FANCC: variants seen among roughly 807,000 people sequenced by gnomAD.
FANCC encodes the protein FA complementation group C, also known as Fanconi anemia group C protein.
Under a neutral mutation model 71.3 loss-of-function variants are expected in FANCC, and 55 were observed. The ratio of observed to expected loss-of-function variants is 0.77; its 90% CI spans 0.62 to 0.97. FANCC has a LOEUF of 0.97. FANCC is among the 50% of genes least tolerant of loss of function. FANCC has a pLI of 0.00. For synonymous variants in FANCC, 275 were observed against 244.9 expected (o/e 1.12, Z -1.15); for missense variants, 678 against 670.9 (o/e 1.01, Z -0.12).
At chr9:95,137,870 G>A (rs1047636978) in intron 7 of FANCC, among the ~76,000 whole-genome samples, 2 of 152,212 alleles carry the variant, frequency 1.3e-5, no homozygotes, top group African/African-American at 2.4e-5. Flanking sequence ...TGAGTGTGCC[G>A]GGCAGGCCCT....
intron 4 of FANCC, among the ~76,000 whole-genome samples, chr9:95,200,991 G>A (rs762606745): frequency 6.6e-6 from 1 of 152,156 alleles, no homozygotes; most frequent in Non-Finnish European, 1.5e-5. Context: ...AGATTATGCT[G>A]AGCTGTAAAC....
At chr9:95,114,548 G>A in intron 12 of FANCC, 81 bp downstream of exon 12, 1 of 1,250,902 alleles carries the variant, frequency 8.0e-7, no homozygotes, top group South Asian at 1.2e-5. Flanking sequence ...GCCTTCCTCT[G>A]TCAGCCCTGC....
intron 4 of FANCC, among the ~76,000 whole-genome samples, chr9:95,199,373 T>A (rs1274176643): frequency 1.3e-5 from 2 of 151,164 alleles, no homozygotes; most frequent in Admixed American, 1.3e-4. Context: ...CTTGGGCCCC[T>A]CCTACTCACC....
rs1023851706 is a variant in FANCC at position 95,126,804 on chromosome 9, T to C, written c.844-223A>G. ...GTTACAGGCAGCTTATTCCTCTGTA[T>C]ACTCCTGTATGTCCCACATTTTCTA... is the stretch of plus-strand genomic sequence containing the variant. On this transcript the variant is annotated intron_variant, in intron 8 of 14. Transcript: ENST00000289081. 4 of 533,608 alleles carry C rather than the reference T, an allele frequency of 7.5e-6. No individual in the cohort carries two copies. The Admixed American group carries it at 1.2e-4, about 17-fold the overall frequency. 33.1% of individuals were successfully genotyped at this position (533,608 alleles called of 1,614,324 possible). A position where few individuals can be genotyped will look rare whatever the true frequency, so the allele number is the denominator to read the frequency against.
At chr9:95,135,602 A>G in intron 7 of FANCC, 100 bp from the exon 8 acceptor site, 1 of 959,576 alleles carries the variant, frequency 1.0e-6, no homozygotes, top group Middle Eastern at 2.5e-4. Flanking sequence ...AATTTGTGAG[A>G]CTTCTCATCA....
intron 2 of FANCC, among the ~76,000 whole-genome samples, chr9:95,248,548 A>G (rs1252838541): frequency 6.6e-6 from 1 of 152,210 alleles, no homozygotes; most frequent in Non-Finnish European, 1.5e-5. Context: ...TTTGCTTTTC[A>G]TTTTGAAATT....
At chr9:95,276,610 A>G (rs1357093688) in intron 1 of FANCC, among the ~76,000 whole-genome samples, 2 of 152,222 alleles carry the variant, frequency 1.3e-5, no homozygotes, top group Non-Finnish European at 2.9e-5. Flanking sequence ...AGGCTTCACC[A>G]CATTGATTTG....
chr9:95,158,835 G>A (rs114627036), intron 6 of FANCC, among the ~76,000 whole-genome samples: 1 of 152,144 alleles, frequency 6.6e-6, no homozygotes, highest in African/African-American at 2.4e-5. Flanking sequence ...GAGTAGCTCT[G>A]GTGTAGAACT....
chr9:95,302,794 A>G (rs1014444261), intron 1 of FANCC, among the ~76,000 whole-genome samples: 1 of 152,226 alleles, frequency 6.6e-6, no homozygotes, highest in Non-Finnish European at 1.5e-5. Flanking sequence ...AAAGCCCAGT[A>G]GGGGTAAAAA....
chr9:95,246,628 G>A (rs1358564610), intron 3 of FANCC, among the ~76,000 whole-genome samples: 1 of 152,192 alleles, frequency 6.6e-6, no homozygotes, highest in Non-Finnish European at 1.5e-5. Flanking sequence ...GAGGCATGCT[G>A]TCTTCCCAGG....
chr9:95,294,258 G>A (rs1335876484), intron 1 of FANCC: 1 of 1,578,836 alleles, frequency 6.3e-7, no homozygotes, highest in Non-Finnish European at 8.7e-7. Flanking sequence ...ATATTGAAGA[G>A]TTCTTTTCGG....
rs116712570 is a variant in FANCC, at chr9:95,203,429, A to T, written c.346-31282T>A. Among the ~76,000 whole-genome samples, 1,293 of 151,040 alleles carry T rather than the reference A, an allele frequency of 8.6e-3. 22 individuals carry two copies. The highest frequency in any genetic ancestry group is 0.03 in the African/African-American group (1,230 of 41,144). ...AAATGTGAAGGAGACAGTTCATTAA[A>T]ACCTCGTAACCGCAGGCTAATTTCA... On this transcript the variant is annotated intron_variant, in intron 4 of 14. Transcript: ENST00000289081.
At chr9:95,281,228 A>G (rs572571637) in intron 1 of FANCC, among the ~76,000 whole-genome samples, 64 of 152,212 alleles carry the variant, frequency 4.2e-4, no homozygotes, top group African/African-American at 1.4e-3. Context: ...TCCAAATAAC[A>G]CTACCCCACA....
chr9:95,247,212 C>CGCGT (rs1554857749), intron 3 of FANCC, among the ~76,000 whole-genome samples: 22 of 149,538 alleles, frequency 1.5e-4, no homozygotes, highest in Admixed American at 8.7e-4. Context: ...TGCGTGCACG[C>CGCGT]GTGTGTGTGT....
chr9:95,244,678 C>CAAA (rs576605250), intron 3 of FANCC, among the ~76,000 whole-genome samples: 492 of 41,596 alleles, frequency 0.012, 38 homozygotes, highest in African/African-American at 0.021. Flanking sequence ...GACTTTGTCT[C>CAAA]AAAAAAAAAA....
At chr9:95,259,743 G>C (rs1040811070) in intron 1 of FANCC, among the ~76,000 whole-genome samples, 3 of 152,178 alleles carry the variant, frequency 2.0e-5, no homozygotes, top group Non-Finnish European at 4.4e-5. Context: ...ACTATCATTA[G>C]AGTGAACGGG....
intron 1 of FANCC, among the ~76,000 whole-genome samples, chr9:95,280,539 T>C (rs1160991867): frequency 6.6e-6 from 1 of 152,190 alleles, no homozygotes; most frequent in African/African-American, 2.4e-5. Flanking sequence ...TCTTCATATA[T>C]TTAAAAGAAC....
At chr9:95,194,955 T>G (rs1222916051) in intron 4 of FANCC, among the ~76,000 whole-genome samples, 2 of 152,036 alleles carry the variant, frequency 1.3e-5, no homozygotes, top group African/African-American at 4.8e-5. Context: ...ATCCCAGCAC[T>G]TTGGGAGGCT....
At chr9:95,206,278 T>C (rs1828116544) in intron 4 of FANCC, among the ~76,000 whole-genome samples, 1 of 152,170 alleles carries the variant, frequency 6.6e-6, no homozygotes, top group South Asian at 2.1e-4. Flanking sequence ...CTTGTGCTCT[T>C]GCAACGGGAC....
Sources: gnomAD v4.1 joint callset for allele counts (sites outside exome capture counted in the v4.1 genomes callset) on GRCh38, gnomAD v4.1.1 for gene constraint, MANE v1.5 for transcripts, NCBI Gene and HGNC (gene_info 2026-07-23, HGNC 2026-07-21) for gene names.